Variants in KCNH8 observed in about 807,000 individuals in gnomAD.
The protein encoded by KCNH8 is voltage-gated delayed rectifier potassium channel KCNH8.
Under a neutral mutation model 103.6 loss-of-function variants are expected in KCNH8, and 70 were observed. The ratio of observed to expected loss-of-function variants is 0.68; its 90% CI spans 0.56 to 0.82. The LOEUF (loss-of-function observed/expected upper bound fraction) is 0.82. Among genes scored for constraint, KCNH8 ranks in the 40% least tolerant of loss-of-function variants. KCNH8 has a pLI of 0.00. For synonymous variants in KCNH8, 498 were observed against 489.4 expected (o/e 1.02, Z -0.23); for missense variants, 1,217 against 1,329.9 (o/e 0.92, Z 1.32).
chr3:19,201,231 C>CAAAAAAA (rs1170312203), intron 1 of KCNH8, among the ~76,000 whole-genome samples: 379 of 22,060 alleles, frequency 0.017, 79 homozygotes, highest in African/African-American at 0.022. Flanking sequence ...GACTCTGCCT[C>CAAAAAAA]AAAAAAAAAA....
At chr3:19,367,191 C>A (rs956297268) in intron 5 of KCNH8, among the ~76,000 whole-genome samples, 12 of 151,852 alleles carry the variant, frequency 7.9e-5, no homozygotes, top group African/African-American at 2.9e-4. Flanking sequence ...GGCAAGACAT[C>A]TCCTTAGTTC....
intron 2 of KCNH8, among the ~76,000 whole-genome samples, chr3:19,265,929 C>CA (rs757255533): frequency 3.9e-5 from 6 of 152,084 alleles, no homozygotes; most frequent in Non-Finnish European, 8.8e-5. Context: ...TGCTTCCTGA[C>CA]ACTGTCTTAG....
At chr3:19,378,101 C>T (rs536022484) in intron 5 of KCNH8, among the ~76,000 whole-genome samples, 169 of 152,258 alleles carry the variant, frequency 1.1e-3, no homozygotes, top group African/African-American at 3.7e-3. Context: ...CTGAGACAGA[C>T]AGTGGTTCTA....
At position 19,507,308 on chromosome 3, in the gene KCNH8, A is replaced by G. The variant is rs78883097; in HGVS notation, c.2041-3055A>G. 2.6e-3 allele frequency among the ~76,000 whole-genome samples: 395 copies of G among 152,114 alleles called. 3 individuals are homozygous for G. The highest frequency in any genetic ancestry group is 0.019 in the Admixed American group (284 of 15,286). On this transcript the variant is annotated intron_variant, in intron 11 of 15. Coordinates refer to ENST00000328405, the MANE Select transcript of KCNH8 (RefSeq NM_144633.3). Reference sequence around the variant, plus strand: ...GGAGAGGCTGTTGATTGCCTCTGGGAGCCCCCACCAGGGAACCTCAGAGCC... The same window carrying G: ...GGAGAGGCTGTTGATTGCCTCTGGGGGCCCCCACCAGGGAACCTCAGAGCC...
chr3:19,335,973 G>A (rs1277643100), intron 3 of KCNH8, among the ~76,000 whole-genome samples: 3 of 150,664 alleles, frequency 2.0e-5, no homozygotes, highest in African/African-American at 7.3e-5. Context: ...CATTTAATTG[G>A]CCACCTTTTA....
intron 5 of KCNH8, among the ~76,000 whole-genome samples, chr3:19,361,643 T>A (rs9811681): frequency 0.12 from 18,077 of 152,108 alleles, 1,122 homozygotes; most frequent in Middle Eastern, 0.17. Context: ...TAATACCAAT[T>A]TACATATTTG....
At chr3:19,471,965 C>G (rs1390522451) in intron 11 of KCNH8, among the ~76,000 whole-genome samples, 1 of 152,126 alleles carries the variant, frequency 6.6e-6, no homozygotes, top group Non-Finnish European at 1.5e-5. Flanking sequence ...AAGCTGTACA[C>G]TTTTGACTTA....
intron 11 of KCNH8, among the ~76,000 whole-genome samples, chr3:19,507,161 G>A (rs1343387967): frequency 1.3e-5 from 2 of 152,216 alleles, no homozygotes; most frequent in Non-Finnish European, 2.9e-5. Flanking sequence ...CTTACAGGGA[G>A]GAGAGACTGA....
intron 1 of KCNH8, among the ~76,000 whole-genome samples, chr3:19,153,635 CTT>C (rs773828081): frequency 1.2e-4 from 16 of 128,880 alleles, no homozygotes; most frequent in Admixed American, 1.6e-4. Context: ...TTTCTTTTTT[CTT>C]TTTTTTTTTT....
intron 3 of KCNH8, among the ~76,000 whole-genome samples, chr3:19,297,299 T>C (rs575447147): frequency 4.9e-4 from 74 of 152,354 alleles, no homozygotes; most frequent in African/African-American, 1.7e-3. Flanking sequence ...AGTGCTATAA[T>C]ATGAGCTTAA....
chr3:19,362,891 A>G (rs2065965300), intron 5 of KCNH8, among the ~76,000 whole-genome samples: 1 of 151,910 alleles, frequency 6.6e-6, no homozygotes, highest in African/African-American at 2.4e-5. Context: ...AGCTCAAGTG[A>G]TCCTCCCCCC....
chr3:19,165,926 C>G (rs569791125), intron 1 of KCNH8, among the ~76,000 whole-genome samples: 2 of 152,242 alleles, frequency 1.3e-5, no homozygotes, highest in South Asian at 2.1e-4. Context: ...GAGCGTGATC[C>G]TGTCAGCAGA....
intron 3 of KCNH8, among the ~76,000 whole-genome samples, chr3:19,331,598 T>A (rs987234774): frequency 6.6e-6 from 1 of 152,088 alleles, no homozygotes; most frequent in African/African-American, 2.4e-5. Context: ...GCCAATTATT[T>A]TTAATTTTTA....
intron 7 of KCNH8, among the ~76,000 whole-genome samples, chr3:19,437,002 T>G (rs78180473): frequency 0.038 from 5,804 of 152,256 alleles, 287 homozygotes; most frequent in East Asian, 0.25. Context: ...CTCCTTGGTC[T>G]CAAGGAATTC....
chr3:19,418,384 C>T (rs368779763), intron 7 of KCNH8, among the ~76,000 whole-genome samples: 48 of 152,184 alleles, frequency 3.2e-4, no homozygotes, highest in Non-Finnish European at 1.2e-4. Context: ...ATGCAAGTCT[C>T]ATCTGAAAGA....
At chr3:19,173,836 A>T (rs907921636) in intron 1 of KCNH8, among the ~76,000 whole-genome samples, 1 of 152,022 alleles carries the variant, frequency 6.6e-6, no homozygotes, top group Admixed American at 6.6e-5. Flanking sequence ...CTCAAAGTAA[A>T]TAATTCTCTT....
At chr3:19,206,344 C>G (rs1290503561) in intron 1 of KCNH8, among the ~76,000 whole-genome samples, 4 of 149,520 alleles carry the variant, frequency 2.7e-5, no homozygotes, top group Non-Finnish European at 5.9e-5. Flanking sequence ...TTTGCATTTG[C>G]AAATTGTGCT....
chr3:19,370,600 T>C (rs1421941995), intron 5 of KCNH8, among the ~76,000 whole-genome samples: 2 of 152,006 alleles, frequency 1.3e-5, no homozygotes, highest in African/African-American at 4.8e-5. Flanking sequence ...AAAGACTGTA[T>C]ACATATTTTA....
intron 1 of KCNH8, among the ~76,000 whole-genome samples, chr3:19,214,159 G>A (rs1284167512): frequency 6.6e-6 from 1 of 152,200 alleles, no homozygotes; most frequent in Non-Finnish European, 1.5e-5. Context: ...AATTCTCTAC[G>A]ACGTTGGGAG....
Sources: allele counts gnomAD v4.1 joint callset (sites outside exome capture counted in the v4.1 genomes callset), GRCh38; gene constraint gnomAD v4.1.1; transcripts MANE v1.5; gene names NCBI Gene and HGNC (gene_info 2026-07-23, HGNC 2026-07-21).